Variants in PARP8 observed in about 807,000 individuals in gnomAD.
PARP8 encodes poly(ADP-ribose) polymerase family member 8.
In PARP8, 51 loss-of-function variants were observed where a neutral mutation model predicts 124.1. The ratio of observed to expected loss-of-function variants is 0.41; its 90% confidence interval spans 0.33 to 0.52. PARP8 has a LOEUF of 0.52. Among genes scored for constraint, PARP8 ranks in the 20% least tolerant of loss-of-function variants. The pLI, the probability that PARP8 is intolerant of heterozygous loss-of-function variation, is 0.21. For missense variants in PARP8, 860 were observed against 1,018.9 expected (o/e 0.84, Z 2.12); for synonymous variants, 391 against 361.5 (o/e 1.08, Z -0.93).
intron 16 of PARP8, among the ~76,000 whole-genome samples, chr5:50,821,689 TC>T (rs1206774131): frequency 6.6e-6 from 1 of 152,228 alleles, no homozygotes; most frequent in Non-Finnish European, 1.5e-5. Flanking sequence ...TTATAAATGT[TC>T]CTGAAGATAA....
chr5:50,797,662 G>A (rs1742713987), intron 14 of PARP8, among the ~76,000 whole-genome samples: 1 of 152,170 alleles, frequency 6.6e-6, no homozygotes, highest in Admixed American at 6.5e-5. Flanking sequence ...CACAGTAGTA[G>A]AGAGAGGATC....
intron 2 of PARP8, among the ~76,000 whole-genome samples, chr5:50,748,361 C>G (rs1758846728): frequency 6.6e-6 from 1 of 152,106 alleles, no homozygotes; most frequent in Admixed American, 6.5e-5. Flanking sequence ...CTCCCTGTTA[C>G]AACGCTGTAA....
chr5:50,821,238 G>A lies in PARP8; in HGVS notation c.1694G>A (p.Cys565Tyr). 6.2e-7 allele frequency: 1 copy of A among 1,613,988 alleles called. No homozygotes were observed. Among genetic ancestry groups the A allele is most frequent in the Non-Finnish European group, 8.5e-7 (1 of 1,179,928 alleles). Residue 565 changes from cysteine to tyrosine, a missense_variant, in exon 16 of 26, where the codon TGT becomes TAT. Transcript: ENST00000281631. The stretch of plus-strand genomic sequence containing the variant: ...GTGGTAGATCTACTAGTATCCATGT[G>A]TAGGTCTGCGTTGGAATCTCCTAGA... ...AQVVDLLVSMCRSALESPRKV... is the reference protein window; with the variant it reads ...AQVVDLLVSMYRSALESPRKV...
At position 50,688,055 on chromosome 5, in the gene PARP8, C is replaced by G. The variant is rs1241599155; in HGVS notation, c.146+19930C>G. Among the ~76,000 whole-genome samples, 3 of 152,090 alleles carry G rather than the reference C, an allele frequency of 2.0e-5. No individual in the cohort carries two copies. The East Asian group carries it at 5.8e-4, about 29-fold the overall frequency. Reference sequence around the variant, plus strand: ...GTAGAGATGATGTCTTGCTGTGTTGCCCAGGCTTGTCTGGAAGTTCTAGGC... The same window carrying G: ...GTAGAGATGATGTCTTGCTGTGTTGGCCAGGCTTGTCTGGAAGTTCTAGGC... On this transcript the variant is annotated intron_variant, in intron 2 of 25. Coordinates refer to ENST00000281631, the MANE Select transcript of PARP8 (RefSeq NM_024615.4).
chr5:50,803,980 G>A (rs32425), intron 14 of PARP8, among the ~76,000 whole-genome samples: 26,479 of 152,004 alleles, frequency 0.17, 3,069 homozygotes, highest in African/African-American at 0.34. Context: ...TGCTTGTACA[G>A]AGTGGTAAGA....
At chr5:50,834,135 G>A in intron 24 of PARP8, 87 bp downstream of exon 24, 9 of 1,039,368 alleles carry the variant, frequency 8.7e-6, no homozygotes, top group East Asian at 5.3e-5. Context: ...GAGTGCTTAC[G>A]GTGGAATAGG....
rs10059085 is a variant in PARP8 at position 50,745,493 on chromosome 5, T to A, written c.147-4658T>A. On this transcript the variant is annotated intron_variant, in intron 2 of 25. Transcript: ENST00000281631. ...GTATGGATTCTTCCATTTTACTAAA[T>A]AGAGATTGAGTCTGTGAGTGTTTAA... Among the ~76,000 whole-genome samples the A allele has an allele frequency of 6.8e-3, 1,041 of 152,276 alleles. 8 individuals are homozygous for A. Among genetic ancestry groups the A allele is most frequent in the East Asian group, 0.039 (202 of 5,182 alleles).
At chr5:50,772,023 C>T (rs942385264) in intron 7 of PARP8, among the ~76,000 whole-genome samples, 3 of 152,124 alleles carry the variant, frequency 2.0e-5, no homozygotes, top group African/African-American at 7.2e-5. Flanking sequence ...TTTATGCTTC[C>T]CAACCTCTGG....
intron 10 of PARP8, among the ~76,000 whole-genome samples, chr5:50,789,290 C>T (rs964920258): frequency 3.3e-5 from 5 of 151,878 alleles, no homozygotes; most frequent in Non-Finnish European, 7.4e-5. Context: ...GATACAATGG[C>T]ACTAGAAAGA....
At chr5:50,746,613 C>G (rs1758569724) in intron 2 of PARP8, among the ~76,000 whole-genome samples, 1 of 152,102 alleles carries the variant, frequency 6.6e-6, no homozygotes, top group Admixed American at 6.5e-5. Flanking sequence ...ATTTATGTAT[C>G]ATATTCTCTG....
intron 2 of PARP8, among the ~76,000 whole-genome samples, chr5:50,709,473 G>C (rs182129528): frequency 7.9e-5 from 12 of 151,832 alleles, no homozygotes; most frequent in African/African-American, 2.4e-4. Context: ...TTTCCTCCAA[G>C]TGTCATTTTT....
chr5:50,814,961 C>A (rs1373000141), intron 14 of PARP8, among the ~76,000 whole-genome samples: 2 of 151,974 alleles, frequency 1.3e-5, no homozygotes, highest in Non-Finnish European at 2.9e-5. Flanking sequence ...AGCAAGTAAA[C>A]AGAATCATGC....
At chr5:50,811,825 G>A (rs1394154834) in intron 14 of PARP8, among the ~76,000 whole-genome samples, 1 of 152,134 alleles carries the variant, frequency 6.6e-6, no homozygotes, top group Non-Finnish European at 1.5e-5. Flanking sequence ...ACCTATGAGT[G>A]AGAACACGCG....
intron 2 of PARP8, among the ~76,000 whole-genome samples, chr5:50,736,918 G>A (rs1236952820): frequency 6.6e-6 from 1 of 152,132 alleles, no homozygotes; most frequent in Non-Finnish European, 1.5e-5. Flanking sequence ...GATCTGTTGA[G>A]CAGCTACTGA....
intron 24 of PARP8, 62 bp downstream of exon 24, chr5:50,834,110 AT>A: frequency 1.7e-5 from 23 of 1,324,132 alleles, no homozygotes; most frequent in Non-Finnish European, 2.5e-5. Flanking sequence ...AATTAAAAAT[AT>A]AAGTATATTT....
chr5:50,699,665 A>G lies in PARP8; in HGVS notation c.146+31540A>G, dbSNP rs567373561. Reference sequence around the variant, plus strand: ...ATATATTGAAACACAAGTGTGCTCTATGGAATAAATCTTAGGCTTGAATGT... The same window carrying G: ...ATATATTGAAACACAAGTGTGCTCTGTGGAATAAATCTTAGGCTTGAATGT... On this transcript the variant is annotated intron_variant, in intron 2 of 25. Coordinates refer to ENST00000281631, the MANE Select transcript of PARP8 (RefSeq NM_024615.4). Among the ~76,000 whole-genome samples, 4 of 152,284 alleles carry G rather than the reference A, an allele frequency of 2.6e-5. 1 individual carries two copies. The highest frequency in any genetic ancestry group is 4.1e-4 in the South Asian group (2 of 4,830).
Position 50,846,130 on chromosome 5 carries a change from A to G in PARP8, c.*4062A>G, listed in dbSNP as rs2149742213. ...CATAGTCAATATAATTTAATGTTCT[A>G]AAAATAATATCTTCGATCTGCCCAA... On this transcript the variant is annotated 3_prime_UTR_variant, in exon 26 of 26. Transcript: ENST00000281631. 6.6e-6 allele frequency: 1 copy of G among 151,894 alleles called. No homozygotes were observed. Among genetic ancestry groups the G allele is most frequent in the South Asian group, 2.1e-4 (1 of 4,824 alleles). The allele number at this position is 151,894 out of a possible 1,614,324, so 9.4% of individuals were successfully genotyped here. A position where few individuals can be genotyped will look rare whatever the true frequency, so the allele number is the denominator to read the frequency against.
At chr5:50,779,192 TACACAC>T (rs557537450) in intron 9 of PARP8, among the ~76,000 whole-genome samples, 1 of 150,504 alleles carries the variant, frequency 6.6e-6, no homozygotes, top group Non-Finnish European at 1.5e-5. Context: ...TACACACACA[TACACAC>T]ACACACACAT....
At chr5:50,717,785 G>C (rs1185595754) in intron 2 of PARP8, among the ~76,000 whole-genome samples, 1 of 151,886 alleles carries the variant, frequency 6.6e-6, no homozygotes, top group Non-Finnish European at 1.5e-5. Flanking sequence ...TTGACCTCAT[G>C]ACTTCCTTCT....
Sources: gnomAD v4.1 joint callset for allele counts (sites outside exome capture counted in the v4.1 genomes callset) on GRCh38, gnomAD v4.1.1 for gene constraint, MANE v1.5 for transcripts, NCBI Gene and HGNC (gene_info 2026-07-23, HGNC 2026-07-21) for gene names.